PDIA6: variants seen among roughly 807,000 people sequenced by gnomAD.
PDIA6 encodes protein disulfide isomerase family A member 6, also known as protein disulfide-isomerase A6.
A neutral mutation model predicts 58.4 loss-of-function variants in PDIA6; 29 were observed. The ratio of observed to expected loss-of-function variants is 0.50; its 90% CI spans 0.37 to 0.68. The LOEUF (loss-of-function observed/expected upper bound fraction) is 0.68. Ranked by LOEUF, PDIA6 falls within the 30% of genes least tolerant of loss-of-function variation. The pLI is 0.00. For synonymous variants in PDIA6, 192 were observed against 202.6 expected, an observed-to-expected ratio of 0.95 and a Z score of 0.44; for missense variants, 480 against 551.0, an observed-to-expected ratio of 0.87 and a Z score of 1.29.
At chr2:10,811,885 G>A (rs1270606386) in intron 1 of PDIA6, among the ~76,000 whole-genome samples, 2 of 152,168 alleles carry the variant, frequency 1.3e-5, no homozygotes, top group East Asian at 1.9e-4. Flanking sequence ...GGAACTATGG[G>A]TCCTTATTTC....
intron 12 of PDIA6, 91 bp downstream of exon 12, chr2:10,784,843 G>A: frequency 1.1e-6 from 1 of 937,188 alleles, no homozygotes; most frequent in Non-Finnish European, 1.7e-6. Flanking sequence ...GAGGTCTGAT[G>A]GGAAGGACTT....
chr2:10,834,741 T>C (rs140735649), upstream of PDIA6, among the ~76,000 whole-genome samples: 3,582 of 28,024 alleles, frequency 0.13, 347 homozygotes, highest in East Asian at 0.2. Context: ...CCTCCTTCCT[T>C]CCTTCCTTCC....
chr2:10,784,445 C>A, intron 12 of PDIA6, 119 bp from the exon 13 acceptor site: 1 of 703,196 alleles, frequency 1.4e-6, no homozygotes, highest in East Asian at 2.7e-5. Context: ...CCAGGTTCTC[C>A]TCAGTCTGAC....
intron 12 of PDIA6, 171 bp from the exon 13 acceptor site, chr2:10,784,497 A>C (rs1665605172): frequency 3.6e-6 from 2 of 558,020 alleles, no homozygotes; most frequent in East Asian, 5.8e-5. Flanking sequence ...CGGATGGAAA[A>C]GCTCAGAACT....
chr2:10,825,980 C>T (rs1305178699), intron 1 of PDIA6, among the ~76,000 whole-genome samples: 2 of 152,122 alleles, frequency 1.3e-5, no homozygotes, highest in South Asian at 2.1e-4. Context: ...AGGCATCTAC[C>T]CAAGAAAATG....
intron 11 of PDIA6, among the ~76,000 whole-genome samples, chr2:10,786,780 G>A (rs1002424880): frequency 5.9e-5 from 9 of 152,230 alleles, no homozygotes; most frequent in South Asian, 2.1e-4. Flanking sequence ...GAATAGCAGA[G>A]CAGAGTAGAC....
upstream of PDIA6, among the ~76,000 whole-genome samples, chr2:10,836,720 C>G (rs1194623578): frequency 6.6e-6 from 1 of 152,124 alleles, no homozygotes; most frequent in African/African-American, 2.4e-5. Context: ...TTCGCTTACC[C>G]CTGGCAACCA....
intron 3 of PDIA6, 92 bp downstream of exon 3, chr2:10,797,608 A>C (rs1299281034): frequency 1.2e-6 from 1 of 866,894 alleles, no homozygotes; most frequent in African/African-American, 1.7e-5. Flanking sequence ...CTGCATACTT[A>C]TTACTTAAAC....
intron 1 of PDIA6, among the ~76,000 whole-genome samples, chr2:10,804,203 C>T (rs992960950): frequency 3.3e-5 from 5 of 151,826 alleles, no homozygotes; most frequent in Non-Finnish European, 5.9e-5. Context: ...CCACCGTGCC[C>T]GGCCCTGTGT....
intron 8 of PDIA6, 130 bp from the exon 9 acceptor site, chr2:10,789,111 T>A: frequency 4.4e-6 from 3 of 683,520 alleles, no homozygotes; most frequent in Non-Finnish European, 8.0e-6. Context: ...CTTCCTCGTA[T>A]GGAAACACCT....
upstream of PDIA6, among the ~76,000 whole-genome samples, chr2:10,833,189 G>A (rs114855887): frequency 2.8e-3 from 429 of 152,270 alleles, 4 homozygotes; most frequent in African/African-American, 9.8e-3. Flanking sequence ...GGCCAGTTCC[G>A]CGGAAGGGGC....
chr2:10,831,301 C>G (rs1377620556), intron 1 of PDIA6, among the ~76,000 whole-genome samples: 2 of 152,206 alleles, frequency 1.3e-5, no homozygotes, highest in African/African-American at 2.4e-5. Flanking sequence ...GTCTACGGCA[C>G]TCTCTTGACT....
At chr2:10,815,894 T>A (rs13004793), upstream of PDIA6, among the ~76,000 whole-genome samples, 3,813 of 152,168 alleles carry the variant, frequency 0.025, 73 homozygotes, top group Non-Finnish European at 0.038. Flanking sequence ...ACATTCACAA[T>A]GTTGTAGAAC....
intron 5 of PDIA6, among the ~76,000 whole-genome samples, chr2:10,792,324 A>T (rs1158919851): frequency 6.6e-6 from 1 of 152,216 alleles, no homozygotes; most frequent in Non-Finnish European, 1.5e-5. Context: ...CAGTCAACAG[A>T]GCTAAAAATA....
At chr2:10,828,742 G>A (rs1364761838) in intron 1 of PDIA6, among the ~76,000 whole-genome samples, 2 of 152,184 alleles carry the variant, frequency 1.3e-5, no homozygotes, top group Non-Finnish European at 1.5e-5. Context: ...GAGAATTTGG[G>A]GCACAAATGT....
intron 1 of PDIA6, among the ~76,000 whole-genome samples, chr2:10,827,586 G>A (rs1347066721): frequency 6.6e-6 from 1 of 152,100 alleles, no homozygotes; most frequent in Non-Finnish European, 1.5e-5. Flanking sequence ...CACTTTGGGA[G>A]GCTGAGGTGA....
intron 2 of PDIA6, among the ~76,000 whole-genome samples, chr2:10,798,125 G>GC (rs1239427162): frequency 1.3e-5 from 2 of 152,196 alleles, no homozygotes; most frequent in Admixed American, 1.3e-4. Context: ...GGCAGAGGTT[G>GC]CAAGAGCTGA....
intron 1 of PDIA6, among the ~76,000 whole-genome samples, chr2:10,831,670 G>A (rs1667713958): frequency 6.6e-6 from 1 of 152,156 alleles, no homozygotes. Context: ...GACAGGATTG[G>A]CCTTCACTGA....
chr2:10,819,130 T>C, intron 2 of PDIA6: 1 of 597,896 alleles, frequency 1.7e-6, no homozygotes, highest in South Asian at 2.0e-5. Context: ...TTTCCTTCCT[T>C]CTTAAAGCAG....
Sources: gnomAD v4.1 joint callset for allele counts (sites outside exome capture counted in the v4.1 genomes callset) on GRCh38, gnomAD v4.1.1 for gene constraint, MANE v1.5 for transcripts, NCBI Gene and HGNC (gene_info 2026-07-23, HGNC 2026-07-21) for gene names.